KDR: variants seen among roughly 807,000 people sequenced by gnomAD.
KDR encodes the protein vascular endothelial growth factor receptor 2.
A neutral mutation model predicts 160.9 loss-of-function variants in KDR; 43 were observed. That is an observed-to-expected ratio of 0.27 (90% CI 0.21 to 0.34). The LOEUF (loss-of-function observed/expected upper bound fraction) is 0.34, where lower values mean the gene tolerates loss of function less well. Among genes scored for constraint, KDR ranks in the 10% least tolerant of loss-of-function variants. The probability of loss-of-function intolerance (pLI) is 1.00; values close to 1 mark genes in which losing one functional copy is unlikely to be tolerated. For missense variants in KDR, 1,469 were observed against 1,666.4 expected (o/e 0.88, Z 2.06); for synonymous variants, 617 against 600.1 (o/e 1.03, Z -0.41).
intron 29 of KDR, 70 bp downstream of exon 29, chr4:55,081,886 C>A: frequency 9.5e-7 from 1 of 1,055,910 alleles, no homozygotes; most frequent in Non-Finnish European, 1.5e-6. Flanking sequence ...TCTGCACTTA[C>A]ACTGAAAGTC....
intron 27 of KDR, among the ~76,000 whole-genome samples, chr4:55,086,384 C>T (rs530724365): frequency 7.2e-4 from 110 of 152,176 alleles, no homozygotes; most frequent in African/African-American, 2.5e-3. Context: ...AGATGATTTG[C>T]CCCAAGTTGC....
intron 22 of KDR, among the ~76,000 whole-genome samples, chr4:55,091,196 C>T (rs1002667393): frequency 2.4e-4 from 37 of 152,250 alleles, no homozygotes; most frequent in Middle Eastern, 3.4e-3. Flanking sequence ...TCATGTAAGC[C>T]AGGCATTGCT....
At chr4:55,083,883 C>T (rs1370807581) in intron 27 of KDR, among the ~76,000 whole-genome samples, 1 of 152,170 alleles carries the variant, frequency 6.6e-6, no homozygotes, top group Non-Finnish European at 1.5e-5. Flanking sequence ...ATATGATACA[C>T]AGGGTGCAAG....
In KDR at chr4:55,096,329, G is replaced by A. The variant is rs1258858205; in HGVS notation, c.2628C>T (p.His876=). The change falls in exon 19 of 30, where the codon CAC becomes CAT. Residue 876 remains histidine, a synonymous_variant. Coordinates refer to ENST00000263923, the MANE Select transcript of KDR (RefSeq NM_002253.4). ...CAGACATGAGAGCTCGATGCTCACT[G>A]TGTGTTGCTCCTTCTACAAATACAG... ...AVKMLKEGAT[H]SEHRALMSEL... 6.2e-7 allele frequency: 1 copy of A among 1,610,394 alleles called. No individual in the cohort carries two copies. Among genetic ancestry groups the A allele is most frequent in the East Asian group, 2.2e-5 (1 of 44,842 alleles).
intron 10 of KDR, among the ~76,000 whole-genome samples, chr4:55,107,041 A>C (rs1177710815): frequency 1.3e-5 from 2 of 152,210 alleles, no homozygotes; most frequent in African/African-American, 2.4e-5. Flanking sequence ...CTGGGAATAA[A>C]CCTTCATTCA....
At position 55,078,936 on chromosome 4, in the gene KDR, G is replaced by A. The variant is rs1362513722; in HGVS notation, c.*1005C>T. 1 of 233,158 alleles carries A rather than the reference G, an allele frequency of 4.3e-6. No individual in the cohort carries two copies. Among genetic ancestry groups the A allele is most frequent in the Non-Finnish European group, 8.5e-6 (1 of 118,070 alleles). 14.4% of individuals were successfully genotyped at this position (233,158 alleles called of 1,614,324 possible). On this transcript the variant is annotated 3_prime_UTR_variant, in exon 30 of 30. Transcript: ENST00000263923. ...ATGGGTTGCGGGGTGAGAGTGGGTT[G>A]GGGACAGGGGGAAGAACAAAAGGGT...
intron 3 of KDR, among the ~76,000 whole-genome samples, chr4:55,117,363 T>C (rs1720761520): frequency 6.6e-6 from 1 of 152,216 alleles, no homozygotes; most frequent in African/African-American, 2.4e-5. Flanking sequence ...TGCAATCTTC[T>C]GACCGAGCTG....
chr4:55,100,564 A>G (rs150281618), intron 15 of KDR, among the ~76,000 whole-genome samples: 401 of 152,330 alleles, frequency 2.6e-3, no homozygotes, highest in African/African-American at 9.4e-3. Flanking sequence ...AATGCAGAGC[A>G]TCAGAGACAA....
chr4:55,100,104 A>G (rs770295276), intron 15 of KDR, among the ~76,000 whole-genome samples: 9 of 152,344 alleles, frequency 5.9e-5, no homozygotes, highest in Non-Finnish European at 1.2e-4. Flanking sequence ...GCCTCCCATC[A>G]GAAGAGTGCA....
intron 1 of KDR, among the ~76,000 whole-genome samples, chr4:55,122,032 AC>A (rs1397460462): frequency 6.6e-6 from 1 of 152,030 alleles, no homozygotes; most frequent in African/African-American, 2.4e-5. Context: ...TTTTTTAAAA[AC>A]GTATATAAAT....
Position 55,102,434 on chromosome 4 carries a change from A to T in KDR, c.2062T>A (p.Cys688Ser), listed in dbSNP as rs1346271402. 1 of 1,613,796 alleles carries T rather than the reference A, an allele frequency of 6.2e-7. No homozygotes were observed. Among genetic ancestry groups the T allele is most frequent in the Non-Finnish European group, 8.5e-7 (1 of 1,179,770 alleles). The stretch of plus-strand genomic sequence containing the variant: ...GGAGGGGGATTCCCAGATGCCGTGC[A>T]TGAGACTTCGATGCTTTCCCCAATA... ...TSIGESIEVS[C>S]TASGNPPPQI... The change falls in exon 14 of 30, where the codon TGC (cysteine) becomes AGC (serine). Residue 688 changes from cysteine to serine, a missense_variant. By Grantham distance (112) the Cys-to-Ser change is moderately radical. Around this residue, in one of 7 missense-constraint regions of KDR, gnomAD observed 792 missense variants for 840.9 expected, o/e 0.94. Coordinates refer to ENST00000263923, the MANE Select transcript of KDR (RefSeq NM_002253.4).
chr4:55,080,956 G>A (rs1560511185), intron 29 of KDR, among the ~76,000 whole-genome samples: 1 of 152,154 alleles, frequency 6.6e-6, no homozygotes, highest in Non-Finnish European at 1.5e-5. Context: ...TTTATACATA[G>A]TTTAAAAGTT....
intron 7 of KDR, 58 bp from the exon 8 acceptor site, chr4:55,110,826 G>A: frequency 7.1e-7 from 1 of 1,403,164 alleles, no homozygotes; most frequent in Non-Finnish European, 1.0e-6. Context: ...ATTTGATTTA[G>A]TTTTTCATTT....
At chr4:55,097,789 C>T (rs1720200015) in intron 17 of KDR, 23 bp from the exon 18 acceptor site, 6 of 1,524,272 alleles carry the variant, frequency 3.9e-6, no homozygotes, top group Non-Finnish European at 5.5e-6. Flanking sequence ...ACAACAGCAA[C>T]AAGAAAACAG....
intron 27 of KDR, among the ~76,000 whole-genome samples, chr4:55,083,035 T>G (rs1719776875): frequency 6.6e-6 from 1 of 152,158 alleles, no homozygotes; most frequent in African/African-American, 2.4e-5. Flanking sequence ...AAAGTTTTTC[T>G]GGATAATGCT....
At chr4:55,085,563 C>G (rs950780281) in intron 27 of KDR, among the ~76,000 whole-genome samples, 1 of 152,130 alleles carries the variant, frequency 6.6e-6, no homozygotes, top group African/African-American at 2.4e-5. Flanking sequence ...TGAAGCATGC[C>G]GTGTGCAAAT....
At chr4:55,114,086 C>G in intron 6 of KDR, 40 bp downstream of exon 6, 4 of 1,612,512 alleles carry the variant, frequency 2.5e-6, no homozygotes, top group Non-Finnish European at 3.4e-6. Context: ...GGCTTATTAT[C>G]TAAGTATTTG....
intron 21 of KDR, 132 bp from the exon 22 acceptor site, chr4:55,092,846 G>A: frequency 1.4e-6 from 1 of 701,814 alleles, no homozygotes; most frequent in Middle Eastern, 2.7e-4. Context: ...GAGAGTCAAT[G>A]CTTCTATCTT....
chr4:55,122,276 T>C (rs973751359), intron 1 of KDR, among the ~76,000 whole-genome samples: 1 of 152,082 alleles, frequency 6.6e-6, no homozygotes, highest in African/African-American at 2.4e-5. Context: ...TGAAAAAGCA[T>C]GAGAGAAAGA....
Sources: gnomAD v4.1 joint callset for allele counts (sites outside exome capture counted in the v4.1 genomes callset) on GRCh38, gnomAD v4.1.1 for gene constraint, gnomAD v4.1.1 regional missense constraint, MANE v1.5 for transcripts, NCBI Gene and HGNC (gene_info 2026-07-23, HGNC 2026-07-21) for gene names.